The following SPAG1 variants were observed in gnomAD, a reference collection of about 807,000 sequenced individuals.
The protein encoded by SPAG1 is sperm-associated antigen 1.
Under a neutral mutation model 100.5 loss-of-function variants are expected in SPAG1, and 69 were observed. The observed-to-expected ratio is 0.69, with a 90% confidence interval of 0.57 to 0.84. SPAG1 has a LOEUF of 0.84. Ranked by LOEUF, SPAG1 falls within the 40% of genes least tolerant of loss-of-function variation. The probability of loss-of-function intolerance (pLI) is 0.00; values close to 1 mark genes in which losing one functional copy is unlikely to be tolerated. For synonymous variants in SPAG1, 336 were observed against 411.6 expected, an observed-to-expected ratio of 0.82 and a Z score of 2.22; for missense variants, 955 against 1,133.1, an observed-to-expected ratio of 0.84 and a Z score of 2.26.
intron 16 of SPAG1, among the ~76,000 whole-genome samples, chr8:100,234,422 C>T (rs1327303489): frequency 6.6e-6 from 1 of 152,114 alleles, no homozygotes; most frequent in Admixed American, 6.6e-5. Context: ...ATAAATCTTC[C>T]TCCCTCCACC....
intron 12 of SPAG1, among the ~76,000 whole-genome samples, chr8:100,214,200 C>T (rs1817868610): frequency 6.6e-6 from 1 of 152,172 alleles, no homozygotes; most frequent in Non-Finnish European, 1.5e-5. Context: ...AATTCCAATC[C>T]ACTGCGGCAT....
Position 100,170,329 on chromosome 8 carries a change from T to C in SPAG1, c.300+4356T>C, listed in dbSNP as rs574877704. 2.0e-5 allele frequency among the ~76,000 whole-genome samples: 3 copies of C among 152,332 alleles called. No individual in the cohort carries two copies. In the East Asian group the frequency reaches 5.8e-4, roughly 29 times the overall value. ...AATGTTAATATTTTTATAATTTCAA[T>C]TTTTTGCTCATCCTGTCATCTCAGT... On this transcript the variant is annotated intron_variant, in intron 3 of 18. Coordinates refer to ENST00000388798, the MANE Select transcript of SPAG1 (RefSeq NM_003114.5).
At position 100,213,317 on chromosome 8, in the gene SPAG1, G is replaced by C. The variant is rs749989315; in HGVS notation, c.1324G>C (p.Ala442Pro). The C allele has an allele frequency of 8.0e-7, 1 of 1,255,474 alleles. No individual in the cohort carries two copies. Among genetic ancestry groups the C allele is most frequent in the Non-Finnish European group, 1.0e-6 (1 of 1,000,820 alleles). The allele number at this position is 1,255,474 out of a possible 1,614,324, so 77.8% of individuals were successfully genotyped here. Residue 442 changes from alanine (A) to proline (P), a missense_variant, in exon 11 of 19, where the codon GCG becomes CCG. By Grantham distance (27) the Ala-to-Pro change is conservative (BLOSUM62 -1). Transcript: ENST00000388798. ...ATGHPGGGQG[A>P]ENPAGLKSQG... is the part of the protein sequence containing the mutation. The stretch of plus-strand genomic sequence containing the variant: ...CGGGCATCCGGGCGGCGGGCAGGGC[G>C]CGGAGAACCCTGCCGGCCTGAAGAG...
intron 14 of SPAG1, among the ~76,000 whole-genome samples, chr8:100,228,882 G>A (rs1358159589): frequency 1.3e-5 from 2 of 151,736 alleles, no homozygotes; most frequent in Non-Finnish European, 2.9e-5. Flanking sequence ...TTAATATTTT[G>A]TGTATGTTTG....
Position 100,240,570 on chromosome 8 carries a change from C to T in SPAG1, c.2448C>T (p.Leu816=), listed in dbSNP as rs781566569. The T allele has an allele frequency of 1.4e-5, 22 of 1,614,058 alleles. No individual in the cohort carries two copies. Among genetic ancestry groups the T allele is most frequent in the Non-Finnish European group, 1.9e-5 (22 of 1,179,956 alleles). The change falls in exon 18 of 19, where the codon CTC becomes CTT. Residue 816 remains leucine, a synonymous_variant. Coordinates refer to ENST00000388798, the MANE Select transcript of SPAG1 (RefSeq NM_003114.5). ...AATTTGGTCAGATTATAAATGCTCTCAGTACCAGGAAGGATAAAGAAGCCT... is the reference window on the plus strand; with the variant it reads ...AATTTGGTCAGATTATAAATGCTCTTAGTACCAGGAAGGATAAAGAAGCCT... ...AYEFGQIINA[L]STRKDKEACA...
chr8:100,233,669 C>A (rs1000443509), intron 16 of SPAG1, 132 bp downstream of exon 16: 2 of 887,470 alleles, frequency 2.3e-6, no homozygotes, highest in Non-Finnish European at 3.3e-6. Context: ...CTGTACTAAC[C>A]AGTTCTAAAA....
chr8:100,191,651 C>T (rs1816821564), intron 9 of SPAG1, among the ~76,000 whole-genome samples, 155 bp downstream of exon 9: 1 of 152,188 alleles, frequency 6.6e-6, no homozygotes, highest in African/African-American at 2.4e-5. Context: ...ACGTTAACAT[C>T]TATTTCAAGT....
chr8:100,193,868 T>A (rs1393932774), intron 9 of SPAG1, among the ~76,000 whole-genome samples: 1 of 152,210 alleles, frequency 6.6e-6, no homozygotes, highest in Non-Finnish European at 1.5e-5. Flanking sequence ...ATGTTAATAG[T>A]AGTATCTGAA....
At position 100,166,257 on chromosome 8, in the gene SPAG1, A is replaced by AT. The variant is rs970790979; in HGVS notation, c.300+292dup. ...TGCTGTATAAACATGTTTATTTGTA[A>AT]TTTTTTTTCTTTTTTTTTTGAGATG... On this transcript the variant is annotated intron_variant, in intron 3 of 18. Transcript: ENST00000388798. Among the ~76,000 whole-genome samples the AT allele has an allele frequency of 2.6e-5, 4 of 151,364 alleles. No individual in the cohort carries two copies. In the South Asian group the frequency reaches 6.3e-4, roughly 24 times the overall value.
At chr8:100,231,051 G>A in intron 14 of SPAG1, 105 bp from the exon 15 acceptor site, 1 of 940,708 alleles carries the variant, frequency 1.1e-6, no homozygotes, top group South Asian at 2.7e-5. Flanking sequence ...TGCATGCTGT[G>A]TGGTCAAGTT....
At chr8:100,189,859 T>G (rs1816741826) in intron 8 of SPAG1, among the ~76,000 whole-genome samples, 1 of 152,238 alleles carries the variant, frequency 6.6e-6, no homozygotes, top group Admixed American at 6.5e-5. Flanking sequence ...TAGCAATAGC[T>G]AAATTATATT....
At chr8:100,166,145 T>C (rs1474709196) in intron 3 of SPAG1, among the ~76,000 whole-genome samples, 172 bp downstream of exon 3, 1 of 152,264 alleles carries the variant, frequency 6.6e-6, no homozygotes, top group Non-Finnish European at 1.5e-5. Context: ...CGCGTGTGTG[T>C]GCGTCCGTAC....
In SPAG1 at chr8:100,226,291, G is replaced by A. The variant is rs562161168; in HGVS notation, c.1855+952G>A. On this transcript the variant is annotated intron_variant, in intron 14 of 18. Coordinates refer to ENST00000388798, the MANE Select transcript of SPAG1 (RefSeq NM_003114.5). ...GGATTATAGGCATGAGCCACCATGC[G>A]TGGTTTAAGGCAGGGGAATGTATTA... Among the ~76,000 whole-genome samples the A allele has an allele frequency of 1.4e-4, 21 of 152,174 alleles. No individual in the cohort carries two copies. In the East Asian group the frequency reaches 1.5e-3, roughly 11 times the overall value.
chr8:100,236,888 G>T (rs1365804944), intron 16 of SPAG1, among the ~76,000 whole-genome samples: 1 of 152,126 alleles, frequency 6.6e-6, no homozygotes, highest in African/African-American at 2.4e-5. Context: ...CAATTGTTAT[G>T]TATCAATACA....
intron 2 of SPAG1, 106 bp from the exon 3 acceptor site, chr8:100,165,708 G>C: frequency 1.3e-6 from 1 of 795,348 alleles, no homozygotes; most frequent in Non-Finnish European, 2.0e-6. Context: ...CAGCCCTTGA[G>C]ATCTCCACAG....
At chr8:100,163,609 C>T (rs1815414850) in intron 2 of SPAG1, among the ~76,000 whole-genome samples, 1 of 152,124 alleles carries the variant, frequency 6.6e-6, no homozygotes, top group African/African-American at 2.4e-5. Context: ...ATCTAGAATT[C>T]CTATTACCCT....
At position 100,240,569 on chromosome 8, in the gene SPAG1, T is replaced by C; in HGVS notation, c.2447T>C (p.Leu816Pro). ...GAATTTGGTCAGATTATAAATGCTC[T>C]CAGTACCAGGAAGGATAAAGAAGCC... is the stretch of plus-strand genomic sequence containing the variant. ...AYEFGQIINALSTRKDKEACA... is the reference protein window; with the variant it reads ...AYEFGQIINAPSTRKDKEACA... Residue 816 changes from leucine to proline, a missense_variant, in exon 18 of 19, where the codon CTC becomes CCC. Leu to Pro is a moderately conservative substitution (Grantham distance 98, BLOSUM62 -3). Transcript: ENST00000388798. The C allele has an allele frequency of 6.2e-7, 1 of 1,614,116 alleles. No individual in the cohort carries two copies. Among genetic ancestry groups the C allele is most frequent in the African/African-American group, 1.3e-5 (1 of 75,044 alleles).
intron 3 of SPAG1, among the ~76,000 whole-genome samples, chr8:100,175,971 G>A (rs1228690660): frequency 1.3e-5 from 2 of 152,172 alleles, no homozygotes; most frequent in African/African-American, 4.8e-5. Context: ...GCACAAAATA[G>A]TTGAGTTTCC....
intron 3 of SPAG1, among the ~76,000 whole-genome samples, chr8:100,175,770 A>G (rs763291969): frequency 8.5e-5 from 13 of 152,232 alleles, no homozygotes; most frequent in Non-Finnish European, 1.3e-4. Flanking sequence ...GTGGCAAGGT[A>G]CATCCTGACT....
Sources: gnomAD v4.1 joint callset for allele counts (sites outside exome capture counted in the v4.1 genomes callset) on GRCh38, gnomAD v4.1.1 for gene constraint, MANE v1.5 for transcripts, NCBI Gene and HGNC (gene_info 2026-07-23, HGNC 2026-07-21) for gene names.